LAMA2: variants seen among roughly 807,000 people sequenced by gnomAD.
LAMA2 encodes laminin subunit alpha-2.
Under a neutral mutation model 364.8 loss-of-function variants are expected in LAMA2, and 269 were observed. The ratio of observed to expected loss-of-function variants is 0.74; its 90% CI spans 0.67 to 0.82. The LOEUF (loss-of-function observed/expected upper bound fraction) is 0.82. Among genes scored for constraint, LAMA2 ranks in the 40% least tolerant of loss-of-function variants. LAMA2 has a pLI of 0.00. For synonymous variants in LAMA2, 1,379 were observed against 1,370.6 expected, an observed-to-expected ratio of 1.01 and a Z score of -0.14; for missense variants, 3,807 against 3,873.2, an observed-to-expected ratio of 0.98 and a Z score of 0.45.
intron 60 of LAMA2, 68 bp from the exon 61 acceptor site, chr6:129,505,130 TTA>T (rs1368128588): frequency 1.5e-6 from 2 of 1,356,684 alleles, no homozygotes; most frequent in African/African-American, 2.9e-5. Flanking sequence ...GTTAGAGTCC[TTA>T]TGTCTTATAC....
chr6:128,931,386 C>T (rs928059965), intron 1 of LAMA2, among the ~76,000 whole-genome samples: 2 of 151,672 alleles, frequency 1.3e-5, no homozygotes, highest in East Asian at 3.9e-4. Context: ...TTGCATAATG[C>T]CTAGCAAATA....
chr6:129,076,481 ATCT>A (rs1773649542), intron 3 of LAMA2, among the ~76,000 whole-genome samples: 1 of 19,990 alleles, frequency 5.0e-5, no homozygotes, highest in East Asian at 3.7e-3. Flanking sequence ...TATATAATAT[ATCT>A]TATATATTAT....
chr6:129,473,087 T>C lies in LAMA2; in HGVS notation c.7301-127T>C, dbSNP rs1306200358. 4 of 669,624 alleles carry C rather than the reference T, an allele frequency of 6.0e-6. No individual in the cohort carries two copies. In the East Asian group the frequency reaches 1.1e-4, roughly 18 times the overall value. 41.5% of individuals were successfully genotyped at this position (669,624 alleles called of 1,614,324 possible). A position where few individuals can be genotyped will look rare whatever the true frequency, so the allele number is the denominator to read the frequency against. ...GTAATTATTAAATTGCTAAATATAG[T>C]GCAAGTGCTTGAGAAAGTCAATGTT... On this transcript the variant is annotated intron_variant, in intron 51 of 64. Transcript: ENST00000421865.
At chr6:128,893,351 TG>T (rs1303157987) in intron 1 of LAMA2, among the ~76,000 whole-genome samples, 1 of 151,860 alleles carries the variant, frequency 6.6e-6, no homozygotes, top group Non-Finnish European at 1.5e-5. Context: ...CCCCTTTCTT[TG>T]TTTTTTTTCC....
At chr6:129,222,199 A>G (rs929836725) in intron 12 of LAMA2, among the ~76,000 whole-genome samples, 1 of 152,156 alleles carries the variant, frequency 6.6e-6, no homozygotes, top group Admixed American at 6.5e-5. Context: ...TGGGTAAATG[A>G]AAAAATAAAA....
intron 3 of LAMA2, among the ~76,000 whole-genome samples, chr6:129,082,207 A>G (rs1303680190): frequency 6.6e-6 from 1 of 152,080 alleles, no homozygotes; most frequent in Non-Finnish European, 1.5e-5. Context: ...GGTGACTGGT[A>G]TATAATAAGT....
chr6:129,481,459 A>AT lies in LAMA2; in HGVS notation c.7749+21dup. ...GGACAGGTACCCTCACACCTAGCTG[A>AT]TAATGCATTTTCCCTAATGCTTATA... On this transcript the variant is annotated intron_variant, in intron 55 of 64. Coordinates refer to ENST00000421865, the MANE Select transcript of LAMA2 (RefSeq NM_000426.4). 6.2e-7 allele frequency: 1 copy of AT among 1,600,490 alleles called. No individual in the cohort carries two copies. The highest frequency in any genetic ancestry group is 8.6e-7 in the Non-Finnish European group (1 of 1,167,640).
intron 12 of LAMA2, among the ~76,000 whole-genome samples, chr6:129,220,980 G>A (rs949261800): frequency 3.9e-5 from 6 of 152,036 alleles, no homozygotes; most frequent in African/African-American, 1.4e-4. Context: ...TTGCCAACGC[G>A]GTGAAACCCT....
intron 1 of LAMA2, among the ~76,000 whole-genome samples, chr6:129,026,628 G>T (rs1785845077): frequency 6.6e-6 from 1 of 152,154 alleles, no homozygotes; most frequent in Non-Finnish European, 1.5e-5. Flanking sequence ...TATTTCATGT[G>T]AGTCAGGTTT....
rs1325391646 is a variant in LAMA2, at chr6:129,453,073, T to C, written c.6515T>C (p.Val2172Ala). The change falls in exon 46 of 65, where the codon GTC becomes GCC. Residue 2172 changes from valine (V) to alanine (A), a missense_variant. Around this residue, in one of 3 missense-constraint regions of LAMA2, gnomAD observed 3,333 missense variants for 3,345.7 expected, o/e 1.00. Coordinates refer to ENST00000421865, the MANE Select transcript of LAMA2 (RefSeq NM_000426.4). ...IKKGSYNNIV[V>A]NVKTAVADNL... ...AAAGGAAGTTACAATAATATTGTTG[T>C]CAACGTAAAGACAGCTGTTGCTGAT... 1.2e-6 allele frequency: 2 copies of C among 1,613,136 alleles called. No individual in the cohort carries two copies. Among genetic ancestry groups the C allele is most frequent in the East Asian group, 4.5e-5 (2 of 44,770 alleles).
At chr6:129,409,688 G>T (rs1008542112) in intron 40 of LAMA2, among the ~76,000 whole-genome samples, 1 of 152,138 alleles carries the variant, frequency 6.6e-6, no homozygotes, top group Non-Finnish European at 1.5e-5. Context: ...CCACCTCTAG[G>T]AGTCACCTAT....
chr6:129,222,955 A>C (rs753665769), intron 12 of LAMA2, among the ~76,000 whole-genome samples: 1 of 152,196 alleles, frequency 6.6e-6, no homozygotes, highest in African/African-American at 2.4e-5. Context: ...TTACAATCCC[A>C]CCAACAGTGT....
chr6:129,218,489 G>T (rs777651018), intron 12 of LAMA2, among the ~76,000 whole-genome samples: 4 of 152,146 alleles, frequency 2.6e-5, no homozygotes, highest in Non-Finnish European at 5.9e-5. Flanking sequence ...AGGGGAAAAT[G>T]TAAATTAGAT....
chr6:128,928,889 T>C, intron 1 of LAMA2: 1 of 684,444 alleles, frequency 1.5e-6, no homozygotes, highest in Non-Finnish European at 2.6e-6. Context: ...TAGTGTTTGA[T>C]GGCCAGGACC....
intron 1 of LAMA2, among the ~76,000 whole-genome samples, chr6:128,993,100 A>G (rs1398172962): frequency 2.0e-5 from 3 of 152,188 alleles, no homozygotes; most frequent in Admixed American, 2.0e-4. Context: ...TGAGGATGAA[A>G]TCACTTAACC....
chr6:129,216,214 T>C (rs775843488), intron 12 of LAMA2, among the ~76,000 whole-genome samples: 1 of 152,216 alleles, frequency 6.6e-6, no homozygotes, highest in Non-Finnish European at 1.5e-5. Flanking sequence ...ATGGAAACTT[T>C]ATTGTTTATA....
intron 1 of LAMA2, among the ~76,000 whole-genome samples, chr6:128,966,737 C>T (rs970292620): frequency 6.6e-6 from 1 of 152,066 alleles, no homozygotes; most frequent in African/African-American, 2.4e-5. Context: ...AAAAGCAGGT[C>T]AATGTGCAAA....
intron 22 of LAMA2, among the ~76,000 whole-genome samples, chr6:129,302,775 T>C (rs902071301): frequency 1.3e-5 from 2 of 152,122 alleles, no homozygotes; most frequent in African/African-American, 4.8e-5. Context: ...ATCAACTATA[T>C]ATATGTTTAT....
chr6:129,276,902 TAAAC>T lies in LAMA2; in HGVS notation c.2451-3157_2451-3154del, dbSNP rs1788365076. Among the ~76,000 whole-genome samples the T allele has an allele frequency of 1.3e-5, 2 of 152,278 alleles. 1 individual carries two copies. Among genetic ancestry groups the T allele is most frequent in the Middle Eastern group, 6.8e-3 (2 of 294 alleles). On this transcript the variant is annotated intron_variant, in intron 17 of 64. Coordinates refer to ENST00000421865, the MANE Select transcript of LAMA2 (RefSeq NM_000426.4). The stretch of plus-strand genomic sequence containing the variant: ...TTCTCTATGTATGCATTCACATACA[TAAAC>T]ATATATAGATTGTTGACATAGTCAC...
Sources: allele counts gnomAD v4.1 joint callset (sites outside exome capture counted in the v4.1 genomes callset), GRCh38; gene constraint gnomAD v4.1.1; regional missense constraint gnomAD v4.1.1; transcripts MANE v1.5; gene names NCBI Gene and HGNC (gene_info 2026-07-23, HGNC 2026-07-21).